Variants in GRK7 observed in about 807,000 individuals in gnomAD.
GRK7 encodes the protein rhodopsin kinase GRK7.
In GRK7, 24 loss-of-function variants were observed where a neutral mutation model predicts 34.1. That is an observed-to-expected ratio of 0.70 (90% CI 0.51 to 0.99). The LOEUF (loss-of-function observed/expected upper bound fraction) is 0.99, where lower values mean the gene tolerates loss of function less well. Ranked by LOEUF, GRK7 falls within the 50% of genes least tolerant of loss-of-function variation. The pLI, the probability that GRK7 is intolerant of heterozygous loss-of-function variation, is 0.00. For synonymous variants in GRK7, 256 were observed against 279.4 expected (o/e 0.92, Z 0.84); for missense variants, 644 against 707.3 (o/e 0.91, Z 1.02).
In GRK7 at chr3:141,816,867, G is replaced by T; in HGVS notation, c.1479G>T (p.Arg493=). The T allele has an allele frequency of 6.2e-7, 1 of 1,614,134 alleles. No homozygotes were observed. Among genetic ancestry groups the T allele is most frequent in the Non-Finnish European group, 8.5e-7 (1 of 1,180,012 alleles). Residue 493 remains arginine (R), a synonymous_variant, in exon 6 of 6, where the codon CGG becomes CGT. Coordinates refer to ENST00000682958, the MANE Select transcript of GRK7 (RefSeq NM_139209.3). ...AAATTGATGATTTCTCTGAGGTTCGGGGGGTGGAATTTGATGACAAAGATA... is the reference window on the plus strand; with the variant it reads ...AAATTGATGATTTCTCTGAGGTTCGTGGGGTGGAATTTGATGACAAAGATA... ...IAEIDDFSEV[R]GVEFDDKDKQ...
chr3:141,751,657 A>G, the GRK7 span, among the ~76,000 whole-genome samples: 1 of 152,206 alleles, frequency 6.6e-6, no homozygotes, highest in African/African-American at 2.4e-5. Flanking sequence ...AGAAAATAAC[A>G]TAATCATTTA....
At chr3:141,760,134 G>A (rs2084548719), upstream of GRK7, among the ~76,000 whole-genome samples, 1 of 151,866 alleles carries the variant, frequency 6.6e-6, no homozygotes, top group South Asian at 2.1e-4. Flanking sequence ...TTTTTTGAAG[G>A]GTTATTTCTT....
intron 4 of GRK7, among the ~76,000 whole-genome samples, chr3:141,785,627 G>A (rs556337089): frequency 6.6e-6 from 1 of 152,232 alleles, no homozygotes; most frequent in African/African-American, 2.4e-5. Flanking sequence ...AGCCAGGCAT[G>A]GTGGTGGGTG....
intron 2 of GRK7, among the ~76,000 whole-genome samples, chr3:141,774,901 T>C (rs1415470914): frequency 1.3e-5 from 2 of 152,142 alleles, no homozygotes; most frequent in East Asian, 3.9e-4. Flanking sequence ...CAGGCGATTC[T>C]CCTGCCTCAG....
chr3:141,811,720 G>A (rs1015049018), intron 5 of GRK7, among the ~76,000 whole-genome samples: 26 of 152,024 alleles, frequency 1.7e-4, no homozygotes, highest in Admixed American at 1.5e-3. Context: ...AATGTAGTGG[G>A]CATCCTCCAA....
At chr3:141,779,147 G>A (rs1269303212) in intron 3 of GRK7, among the ~76,000 whole-genome samples, 2 of 152,178 alleles carry the variant, frequency 1.3e-5, no homozygotes, top group African/African-American at 4.8e-5. Flanking sequence ...CATTAGGAAC[G>A]TGCTGAGATG....
chr3:141,752,959 G>A, the GRK7 span, among the ~76,000 whole-genome samples: 1 of 152,182 alleles, frequency 6.6e-6, no homozygotes, highest in Non-Finnish European at 1.5e-5. Flanking sequence ...AACCCTGCTG[G>A]CACCTTGATG....
chr3:141,763,503 G>A lies in GRK7; in HGVS notation c.-2450G>A, dbSNP rs577463310. On this transcript the variant is annotated 5_prime_UTR_variant, in exon 1 of 6. Coordinates refer to ENST00000682958, the MANE Select transcript of GRK7 (RefSeq NM_139209.3). The stretch of plus-strand genomic sequence containing the variant: ...CTCTGCCAGCTCCACCTTCACAGAC[G>A]AGGAACCAGGGCCCCAGTGCTGTGC... 3.3e-5 allele frequency among the ~76,000 whole-genome samples: 5 copies of A among 152,132 alleles called. No homozygotes were observed. Among genetic ancestry groups the A allele is most frequent in the African/African-American group, 7.2e-5 (3 of 41,428 alleles).
At chr3:141,807,075 C>T (rs958034067) in intron 4 of GRK7, among the ~76,000 whole-genome samples, 1 of 151,842 alleles carries the variant, frequency 6.6e-6, no homozygotes, top group African/African-American at 2.4e-5. Context: ...ATGGAATTTC[C>T]TCAATTAAAA....
At chr3:141,800,825 A>G (rs1710952804) in intron 4 of GRK7, among the ~76,000 whole-genome samples, 1 of 152,210 alleles carries the variant, frequency 6.6e-6, no homozygotes. Flanking sequence ...AACTTTCTGG[A>G]CAGACAGAAA....
intron 1 of GRK7, among the ~76,000 whole-genome samples, chr3:141,770,947 A>G (rs1241691721): frequency 6.7e-6 from 1 of 149,054 alleles, no homozygotes; most frequent in African/African-American, 2.5e-5. Context: ...CTAAGCCGTG[A>G]TCACACCACT....
rs1711171554 is a variant in GRK7 at position 141,818,122 on chromosome 3, C to T, written c.*1072C>T. The T allele has an allele frequency of 1.3e-5, 2 of 152,190 alleles. No homozygotes were observed. Among genetic ancestry groups the T allele is most frequent in the Non-Finnish European group, 1.5e-5 (1 of 68,040 alleles). The allele number at this position is 152,190 out of a possible 1,614,324, so 9.4% of individuals were successfully genotyped here. On this transcript the variant is annotated 3_prime_UTR_variant, in exon 6 of 6. Transcript: ENST00000682958. ...TGTCCTTGCACACTTTAGTTTCTCACACGTATCTTGGGAGCTCGGTCTCTT... is the reference window on the plus strand; with the variant it reads ...TGTCCTTGCACACTTTAGTTTCTCATACGTATCTTGGGAGCTCGGTCTCTT...
At chr3:141,768,271 C>CT (rs550541266) in intron 1 of GRK7, among the ~76,000 whole-genome samples, 14,171 of 137,810 alleles carry the variant, frequency 0.1, 768 homozygotes, top group African/African-American at 0.13. Context: ...TCCTGTCAGC[C>CT]TTTTTTTTTT....
At chr3:141,773,446 G>C (rs2084625764) in intron 1 of GRK7, among the ~76,000 whole-genome samples, 1 of 151,862 alleles carries the variant, frequency 6.6e-6, no homozygotes, top group Non-Finnish European at 1.5e-5. Context: ...CTGCATATTA[G>C]AAAAGCAGAA....
chr3:141,768,486 G>A (rs545010646), intron 1 of GRK7, among the ~76,000 whole-genome samples: 7 of 152,032 alleles, frequency 4.6e-5, no homozygotes, highest in African/African-American at 1.7e-4. Flanking sequence ...CACCATGTTG[G>A]CCGGGCTGGT....
At chr3:141,751,327 T>C in the GRK7 span, among the ~76,000 whole-genome samples, 17 of 152,274 alleles carry the variant, frequency 1.1e-4, no homozygotes, top group East Asian at 3.3e-3. Flanking sequence ...AATAAAAGTT[T>C]ATTGCATGCC....
At chr3:141,776,212 A>G (rs575575928) in intron 2 of GRK7, among the ~76,000 whole-genome samples, 49 of 152,198 alleles carry the variant, frequency 3.2e-4, no homozygotes, top group African/African-American at 1.2e-3. Context: ...GCGTGAACCC[A>G]GGAGGCGGAG....
intron 5 of GRK7, among the ~76,000 whole-genome samples, chr3:141,808,480 C>T (rs1263066212): frequency 6.6e-6 from 1 of 152,116 alleles, no homozygotes; most frequent in East Asian, 1.9e-4. Context: ...TTTGGGAGGC[C>T]GAGTCAGGTG....
At chr3:141,751,207 A>G in the GRK7 span, among the ~76,000 whole-genome samples, 1 of 152,202 alleles carries the variant, frequency 6.6e-6, no homozygotes, top group African/African-American at 2.4e-5. Flanking sequence ...CTTAAACTCT[A>G]TAGTAGTCAT....
Sources: allele counts gnomAD v4.1 joint callset (sites outside exome capture counted in the v4.1 genomes callset), GRCh38; gene constraint gnomAD v4.1.1; transcripts MANE v1.5; gene names NCBI Gene and HGNC (gene_info 2026-07-23, HGNC 2026-07-21).